Variants in MGAT5 observed in about 807,000 individuals in gnomAD.
MGAT5 encodes the protein alpha-1,6-mannosylglycoprotein 6-beta-N-acetylglucosaminyltransferase A.
MGAT5 carries 30 observed loss-of-function variants against 94.3 expected under a neutral mutation model. The observed-to-expected ratio is 0.32, with a 90% CI of 0.24 to 0.43. The LOEUF is 0.43. MGAT5 is among the 20% of genes least tolerant of loss of function. The pLI, the probability that MGAT5 is intolerant of heterozygous loss-of-function variation, is 1.00. For synonymous variants in MGAT5, 310 were observed against 322.9 expected, an observed-to-expected ratio of 0.96 and a Z score of 0.43; for missense variants, 691 against 905.5, an observed-to-expected ratio of 0.76 and a Z score of 3.04.
chr2:134,362,278 A>T lies in MGAT5; in HGVS notation c.1250A>T (p.His417Leu). The T allele has an allele frequency of 1.2e-6, 2 of 1,612,216 alleles. No individual in the cohort carries two copies. The highest frequency in any genetic ancestry group is 1.7e-6 in the Non-Finnish European group (2 of 1,178,416). ...NPQQFYTMFP[H>L]TPDNSFLGFV... ...TCTCCATTTCTTTGCACACCAGCTC[A>T]TACCCCAGACAACAGCTTTCTGGGG... Residue 417 changes from histidine to leucine, a missense_variant, in exon 10 of 16, where the codon CAT becomes CTT. His to Leu is a moderately conservative substitution (Grantham distance 99, BLOSUM62 -3). Around this residue, in one of 4 missense-constraint regions of MGAT5, gnomAD observed 121 missense variants for 206.1 expected, o/e 0.59. Coordinates refer to ENST00000281923, the MANE Select transcript of MGAT5 (RefSeq NM_002410.5).
chr2:134,145,097 A>G (rs1686848999), intron 1 of MGAT5, among the ~76,000 whole-genome samples: 1 of 152,092 alleles, frequency 6.6e-6, no homozygotes, highest in Admixed American at 6.5e-5. Context: ...TCTTTTGGAA[A>G]ATTGGGCTGT....
intron 4 of MGAT5, among the ~76,000 whole-genome samples, chr2:134,326,256 T>C (rs561962075): frequency 2.6e-5 from 4 of 152,200 alleles, no homozygotes; most frequent in Non-Finnish European, 4.4e-5. Flanking sequence ...TTTTCTTCTT[T>C]TTGCTTGCTT....
intron 1 of MGAT5, among the ~76,000 whole-genome samples, chr2:134,257,229 G>GT (rs2105531917): frequency 6.6e-6 from 1 of 152,226 alleles, no homozygotes; most frequent in South Asian, 2.1e-4. Flanking sequence ...ACTGGTTTTA[G>GT]TTTTTTTGTT....
At chr2:134,404,095 A>G (rs1350219364) in intron 11 of MGAT5, among the ~76,000 whole-genome samples, 1 of 152,216 alleles carries the variant, frequency 6.6e-6, no homozygotes, top group Non-Finnish European at 1.5e-5. Context: ...ATAAGTTTTT[A>G]TGAATTTCAC....
At chr2:134,364,350 A>G (rs924179428) in intron 10 of MGAT5, among the ~76,000 whole-genome samples, 2 of 152,268 alleles carry the variant, frequency 1.3e-5, no homozygotes, top group Middle Eastern at 3.4e-3. Flanking sequence ...ATACAAAACA[A>G]TTAGCTAGGC....
chr2:134,218,527 G>C (rs534888997), intron 1 of MGAT5, among the ~76,000 whole-genome samples: 190 of 152,304 alleles, frequency 1.2e-3, no homozygotes, highest in African/African-American at 4.4e-3. Flanking sequence ...TTGAGGGGTA[G>C]GCTGGCTGGA....
intron 11 of MGAT5, among the ~76,000 whole-genome samples, chr2:134,405,041 C>T (rs767770445): frequency 3.9e-5 from 6 of 152,242 alleles, no homozygotes; most frequent in Non-Finnish European, 4.4e-5. Flanking sequence ...TACTGTCTCA[C>T]ACACTTTTAT....
intron 1 of MGAT5, among the ~76,000 whole-genome samples, chr2:134,145,158 T>C (rs1686851646): frequency 6.6e-6 from 1 of 152,140 alleles, no homozygotes; most frequent in African/African-American, 2.4e-5. Flanking sequence ...CATTGATGTT[T>C]TCCCCTTCCT....
chr2:134,300,614 TGAA>T (rs1685958382), intron 2 of MGAT5, among the ~76,000 whole-genome samples: 1 of 152,018 alleles, frequency 6.6e-6, no homozygotes, highest in Non-Finnish European at 1.5e-5. Flanking sequence ...ATTTCCAAGA[TGAA>T]GATTAAACTT....
chr2:134,402,934 T>G, intron 10 of MGAT5, 54 bp from the exon 11 acceptor site: 4 of 1,524,124 alleles, frequency 2.6e-6, no homozygotes, highest in East Asian at 2.3e-5. Context: ...TGATACAGGT[T>G]GTTATGCAAA....
intron 1 of MGAT5, among the ~76,000 whole-genome samples, chr2:134,197,227 C>A (rs1179183268): frequency 3.3e-5 from 5 of 152,104 alleles, no homozygotes; most frequent in Admixed American, 2.0e-4. Context: ...TCTTCCAAGC[C>A]CTTAGGAGTT....
intron 1 of MGAT5, among the ~76,000 whole-genome samples, chr2:134,220,436 C>A (rs1680702782): frequency 6.6e-6 from 1 of 152,048 alleles, no homozygotes; most frequent in South Asian, 2.1e-4. Context: ...CAGGATGGCC[C>A]AATAATAGTT....
chr2:134,385,801 T>C (rs980952517), intron 10 of MGAT5, among the ~76,000 whole-genome samples: 2 of 152,118 alleles, frequency 1.3e-5, no homozygotes, highest in East Asian at 3.8e-4. Flanking sequence ...TATTGGGTAT[T>C]TTTGGGAGGA....
chr2:134,349,939 G>A lies in MGAT5; in HGVS notation c.1246+1G>A, dbSNP rs1558814414. ...CCTCAGCAGTTTTATACCATGTTCCGTGAGTATTCCTGTTTCATGTATGCT... is the reference window on the plus strand; with the variant it reads ...CCTCAGCAGTTTTATACCATGTTCCATGAGTATTCCTGTTTCATGTATGCT... On this transcript the variant is annotated splice_donor_variant, in intron 9 of 15. Transcript: ENST00000281923. LOFTEE classifies it high-confidence loss of function. 4.3e-6 allele frequency: 7 copies of A among 1,613,180 alleles called. No individual in the cohort carries two copies. The highest frequency in any genetic ancestry group is 1.1e-5 in the South Asian group (1 of 91,054).
intron 7 of MGAT5, among the ~76,000 whole-genome samples, chr2:134,342,719 T>TAAAAAAAAA (rs3838499): frequency 7.2e-6 from 1 of 138,778 alleles, no homozygotes; most frequent in East Asian, 2.2e-4. Flanking sequence ...GTCTCTGTCT[T>TAAAAAAAAA]AAAAAAAAAA....
chr2:134,372,898 G>A (rs756617054), intron 10 of MGAT5, among the ~76,000 whole-genome samples: 48 of 152,232 alleles, frequency 3.2e-4, no homozygotes, highest in African/African-American at 4.8e-4. Context: ...GGTCTCCTGC[G>A]AACGCCAGGG....
At chr2:134,437,525 G>A (rs1685227607) in intron 14 of MGAT5, among the ~76,000 whole-genome samples, 1 of 152,162 alleles carries the variant, frequency 6.6e-6, no homozygotes, top group Non-Finnish European at 1.5e-5. Context: ...ATCCAGGACT[G>A]GGTCAAGCCA....
intron 1 of MGAT5, among the ~76,000 whole-genome samples, chr2:134,194,950 T>C (rs1027472960): frequency 4.6e-5 from 7 of 152,348 alleles, no homozygotes; most frequent in Admixed American, 4.6e-4. Flanking sequence ...TTTACTAATA[T>C]CTAGTCTTTT....
chr2:134,294,005 C>T (rs1286346242), intron 2 of MGAT5, among the ~76,000 whole-genome samples: 1 of 152,136 alleles, frequency 6.6e-6, no homozygotes, highest in African/African-American at 2.4e-5. Context: ...CCAGACTCCT[C>T]GTAGTTGTTT....
Sources: gnomAD v4.1 joint callset for allele counts (sites outside exome capture counted in the v4.1 genomes callset) on GRCh38, gnomAD v4.1.1 for gene constraint, gnomAD v4.1.1 regional missense constraint, MANE v1.5 for transcripts, NCBI Gene and HGNC (gene_info 2026-07-23, HGNC 2026-07-21) for gene names.